PHACTR2: variants seen among roughly 807,000 people sequenced by gnomAD.
The protein encoded by PHACTR2 is phosphatase and actin regulator 2, also known as chromosome 6 open reading frame 56.
In PHACTR2, 30 loss-of-function variants were observed where a neutral mutation model predicts 76.0. That is an observed-to-expected ratio of 0.39 (90% confidence interval 0.30 to 0.54). The LOEUF is 0.54. PHACTR2 is among the 20% of genes least tolerant of loss of function. The probability of loss-of-function intolerance (pLI) is 0.61; values close to 1 mark genes in which losing one functional copy is unlikely to be tolerated. For missense variants in PHACTR2, 696 were observed against 781.1 expected, an observed-to-expected ratio of 0.89 and a Z score of 1.30; for synonymous variants, 292 against 292.5, an observed-to-expected ratio of 1.00 and a Z score of 0.02.
At position 143,617,435 on chromosome 6, in the gene PHACTR2, T is replaced by G. The variant is rs1264575966; in HGVS notation, c.13+9113T>G. On this transcript the variant is annotated intron_variant, in intron 1 of 11. Coordinates refer to the PHACTR2 transcript ENST00000305766. This position sits in a 1 kb window ranked among gnomAD's most constrained non-coding sequence, Gnocchi z 4.8. Reference sequence around the variant, plus strand: ...GGTCATTCTCAACTCTAGCTACTCATTAGAATCCCCTGGAAATCTTTTAAA... The same window carrying G: ...GGTCATTCTCAACTCTAGCTACTCAGTAGAATCCCCTGGAAATCTTTTAAA... Among the ~76,000 whole-genome samples the G allele has an allele frequency of 6.6e-6, 1 of 152,206 alleles. No individual in the cohort carries two copies. The highest frequency in any genetic ancestry group is 2.4e-5 in the African/African-American group (1 of 41,456).
At position 143,696,103 on chromosome 6, in the gene PHACTR2, A is replaced by G. The variant is rs112404851; in HGVS notation, c.47-15913A>G. Among the ~76,000 whole-genome samples the G allele has an allele frequency of 0.025, 3,801 of 152,314 alleles. 64 individuals carry two copies. Among genetic ancestry groups the G allele is most frequent in the South Asian group, 0.055 (265 of 4,830 alleles). ...ATTCGCAATTTCCCAGCTGGTAGGA[A>G]ATAGAGCCACGTCCAACTCTTAGCT... On this transcript the variant is annotated intron_variant, in intron 1 of 12. Coordinates refer to ENST00000440869, the MANE Select transcript of PHACTR2 (RefSeq NM_001100164.2). This position sits in a 1 kb window ranked among gnomAD's most constrained non-coding sequence, Gnocchi z 4.1.
At chr6:143,586,157 A>T (rs1387586309) in intron 1 of PHACTR2, among the ~76,000 whole-genome samples, 1 of 152,254 alleles carries the variant, frequency 6.6e-6, no homozygotes, top group African/African-American at 2.4e-5. Context: ...GTGGAAAGAC[A>T]TGATAATTAT....
In PHACTR2 at chr6:143,581,980, G is replaced by A. The variant is rs980446084; in HGVS notation, c.217+44773G>A. On this transcript the variant is annotated intron_variant, in intron 1 of 11. Transcript: ENST00000367584. The surrounding 1 kb of genome is among the most constrained non-coding windows in gnomAD (Gnocchi z 4.5). ...GAAGGCCTTGGGTCTTAATGCCTAAGTGAGTCACATAAACCCTGGACAAAA... is the reference window on the plus strand; with the variant it reads ...GAAGGCCTTGGGTCTTAATGCCTAAATGAGTCACATAAACCCTGGACAAAA... Among the ~76,000 whole-genome samples the A allele has an allele frequency of 6.6e-6, 1 of 152,190 alleles. No individual in the cohort carries two copies. The highest frequency in any genetic ancestry group is 2.4e-5 in the African/African-American group (1 of 41,424).
rs916331542 is a variant in PHACTR2, at chr6:143,777,925, C to T, written c.1645+542C>T. Among the ~76,000 whole-genome samples the T allele has an allele frequency of 6.6e-6, 1 of 152,142 alleles. No individual in the cohort carries two copies. Among genetic ancestry groups the T allele is most frequent in the Non-Finnish European group, 1.5e-5 (1 of 68,014 alleles). On this transcript the variant is annotated intron_variant, in intron 9 of 12. Coordinates refer to ENST00000440869, the MANE Select transcript of PHACTR2 (RefSeq NM_001100164.2). This position sits in a 1 kb window ranked among gnomAD's most constrained non-coding sequence, Gnocchi z 4.6. ...CACTAAAACGTTCTCCATTCATTTT[C>T]CTACTTTATTTTCCCATTCTGTTTT...
At chr6:143,587,431 T>A (rs1051313286) in intron 1 of PHACTR2, among the ~76,000 whole-genome samples, 3 of 152,182 alleles carry the variant, frequency 2.0e-5, no homozygotes, top group African/African-American at 7.2e-5. Flanking sequence ...TGTCTTTTAT[T>A]TCCAAAGTCA....
intron 10 of PHACTR2, among the ~76,000 whole-genome samples, chr6:143,786,900 C>T (rs1775569785): frequency 6.6e-6 from 1 of 152,148 alleles, no homozygotes; most frequent in Non-Finnish European, 1.5e-5. Flanking sequence ...AGGACACCGC[C>T]AAACCATATC....
At position 143,753,127 on chromosome 6, in the gene PHACTR2, A is replaced by C. The variant is rs1582842091; in HGVS notation, c.296-627A>C. On this transcript the variant is annotated intron_variant, in intron 3 of 12. Coordinates refer to ENST00000440869, the MANE Select transcript of PHACTR2 (RefSeq NM_001100164.2). The surrounding 1 kb of genome is among the most constrained non-coding windows in gnomAD (Gnocchi z 4.6). ...TTAGGGACTTTTTGGCTAGTTATAT[A>C]TAATAATTACCTGAGTATACTTTAA... 6.6e-6 allele frequency among the ~76,000 whole-genome samples: 1 copy of C among 152,010 alleles called. No homozygotes were observed. Among genetic ancestry groups the C allele is most frequent in the East Asian group, 1.9e-4 (1 of 5,180 alleles).
intron 6 of PHACTR2, among the ~76,000 whole-genome samples, chr6:143,771,175 T>C (rs1775110393): frequency 6.3e-5 from 1 of 15,968 alleles, no homozygotes; most frequent in African/African-American, 3.4e-4. Flanking sequence ...TATATATATG[T>C]ATATATATAT....
rs533704516 is a variant in PHACTR2, at chr6:143,595,620, T to C, written c.217+58413T>C. ...ATGTATTTTATTTCAATAGCCACAT[T>C]TTAGATGACAAATTTAAAATTGTAT... On this transcript the variant is annotated intron_variant, in intron 1 of 11. Coordinates refer to the PHACTR2 transcript ENST00000367584. This position sits in a 1 kb window ranked among gnomAD's most constrained non-coding sequence, Gnocchi z 4.2. 6.6e-5 allele frequency among the ~76,000 whole-genome samples: 10 copies of C among 152,338 alleles called. No individual in the cohort carries two copies. The highest frequency in any genetic ancestry group is 2.0e-4 in the Admixed American group (3 of 15,300).
chr6:143,713,537 C>T (rs1006477881), intron 2 of PHACTR2, among the ~76,000 whole-genome samples: 4 of 152,164 alleles, frequency 2.6e-5, no homozygotes, highest in Non-Finnish European at 5.9e-5. Flanking sequence ...ACCTAAGTGG[C>T]TTTCTGGGTT....
chr6:143,640,361 A>G (rs1776543273), intron 1 of PHACTR2, among the ~76,000 whole-genome samples: 1 of 152,242 alleles, frequency 6.6e-6, no homozygotes, highest in Admixed American at 6.5e-5. Context: ...CAAAAGATGG[A>G]TAGATGAGCA....
chr6:143,773,877 C>A (rs550359858), intron 7 of PHACTR2, among the ~76,000 whole-genome samples, 182 bp from the exon 8 acceptor site: 7 of 152,242 alleles, frequency 4.6e-5, no homozygotes, highest in African/African-American at 1.7e-4. Flanking sequence ...GCGCTTCAGT[C>A]CTCTCAAAAT....
rs199859706 is a variant in PHACTR2 at position 143,757,989 on chromosome 6, ATAACT to A, written c.455-2408_455-2404del. Reference sequence around the variant, plus strand: ...CACACACACACACACACACACACACATAACTTAAGAATTACCAGAATGACAAATGT... The same window carrying A: ...CACACACACACACACACACACACACATAAGAATTACCAGAATGACAAATGT... On this transcript the variant is annotated intron_variant, in intron 4 of 12. Transcript: ENST00000440869. The surrounding 1 kb of genome is among the most constrained non-coding windows in gnomAD (Gnocchi z 4.2). Among the ~76,000 whole-genome samples the A allele has an allele frequency of 4.6e-3, 647 of 141,544 alleles. 4 individuals carry two copies. The highest frequency in any genetic ancestry group is 0.019 in the African/African-American group (615 of 31,582). The allele number at this position is 141,544 out of a possible 152,430, so 92.9% of individuals were successfully genotyped here.
intron 6 of PHACTR2, among the ~76,000 whole-genome samples, chr6:143,770,862 T>C (rs1368930183): frequency 6.6e-6 from 1 of 151,438 alleles, no homozygotes; most frequent in Non-Finnish European, 1.5e-5. Flanking sequence ...CATAGACTTT[T>C]ACTAGGCTAA....
chr6:143,613,134 G>A (rs1051456400), intron 1 of PHACTR2, among the ~76,000 whole-genome samples: 3 of 152,172 alleles, frequency 2.0e-5, no homozygotes, highest in Admixed American at 6.6e-5. Context: ...CTGCCCCCAT[G>A]CCCGGCTAAT....
In PHACTR2 at chr6:143,787,573, G is replaced by A. The variant is rs1031760005; in HGVS notation, c.1708-1200G>A. The stretch of plus-strand genomic sequence containing the variant: ...TAGTTCAGAAGGAAACTGAGGCCCA[G>A]GAAAGGGCTGTTAATGACTACAGAA... On this transcript the variant is annotated intron_variant, in intron 10 of 12. Transcript: ENST00000440869. The surrounding 1 kb of genome is among the most constrained non-coding windows in gnomAD (Gnocchi z 4.6). Among the ~76,000 whole-genome samples, 4 of 152,176 alleles carry A rather than the reference G, an allele frequency of 2.6e-5. No homozygotes were observed. Among genetic ancestry groups the A allele is most frequent in the African/African-American group, 9.7e-5 (4 of 41,434 alleles).
chr6:143,687,262 C>T (rs1029309146), intron 1 of PHACTR2, among the ~76,000 whole-genome samples: 1 of 152,068 alleles, frequency 6.6e-6, no homozygotes, highest in South Asian at 2.1e-4. Context: ...AGTCTGAAAA[C>T]ATAATGACTA....
chr6:143,542,703 T>C (rs2128426459), intron 1 of PHACTR2, among the ~76,000 whole-genome samples: 1 of 152,368 alleles, frequency 6.6e-6, no homozygotes, highest in African/African-American at 2.4e-5. Context: ...TTTTAGCTCT[T>C]GCCTTGTGTT....
rs1424554625 is a variant in PHACTR2, at chr6:143,616,085, G to T, written c.13+7763G>T. ...AAAGTTTCAGGGTTTCCTACCACTT[G>T]GTATAAAGTATCTGCCTAATTGTTT... On this transcript the variant is annotated intron_variant, in intron 1 of 11. Coordinates refer to the PHACTR2 transcript ENST00000305766. The surrounding 1 kb of genome is among the most constrained non-coding windows in gnomAD (Gnocchi z 4.9). 1.3e-5 allele frequency among the ~76,000 whole-genome samples: 2 copies of T among 152,082 alleles called. No individual in the cohort carries two copies. The highest frequency in any genetic ancestry group is 4.1e-4 in the South Asian group (2 of 4,832).
Sources: allele counts gnomAD v4.1 joint callset (sites outside exome capture counted in the v4.1 genomes callset), GRCh38; gene constraint gnomAD v4.1.1; non-coding constraint Gnocchi (gnomAD v3.1); transcripts MANE v1.5; gene names NCBI Gene and HGNC (gene_info 2026-07-23, HGNC 2026-07-21).